PRSS23: variants seen among roughly 807,000 people sequenced by gnomAD.
The protein encoded by PRSS23 is protease, serine 23.
PRSS23 carries 25 observed loss-of-function variants against 34.7 expected under a neutral mutation model. That is an observed-to-expected ratio of 0.72 (90% CI 0.53 to 1.01). The LOEUF (loss-of-function observed/expected upper bound fraction) is 1.01, where lower values mean the gene tolerates loss of function less well. Among genes scored for constraint, PRSS23 ranks in the 50% least tolerant of loss-of-function variants. The pLI, the probability that PRSS23 is intolerant of heterozygous loss-of-function variation, is 0.00. For missense variants in PRSS23, 445 were observed against 475.6 expected (o/e 0.94, Z 0.60); for synonymous variants, 176 against 186.6 (o/e 0.94, Z 0.46).
chr11:86,800,673 G>A (rs1361904694), intron 1 of PRSS23, 22 bp downstream of exon 1: 3 of 983,142 alleles, frequency 3.1e-6, no homozygotes, highest in Non-Finnish European at 3.6e-6. Flanking sequence ...CACCGACTGG[G>A]GCATCCGCCC....
chr11:86,823,094 G>A (rs925904039), intron 1 of PRSS23, among the ~76,000 whole-genome samples: 1 of 152,252 alleles, frequency 6.6e-6, no homozygotes, highest in Admixed American at 6.5e-5. Context: ...CCCGTCAGGG[G>A]ATGGGGGCAA....
chr11:86,940,302 T>C (rs1460939377), intron 2 of PRSS23, among the ~76,000 whole-genome samples: 2 of 152,176 alleles, frequency 1.3e-5, no homozygotes, highest in Non-Finnish European at 2.9e-5. Context: ...CGTAGGGGTG[T>C]GCTGTATCGG....
At chr11:86,848,965 T>C (rs541920740) in intron 2 of PRSS23, among the ~76,000 whole-genome samples, 2 of 152,200 alleles carry the variant, frequency 1.3e-5, no homozygotes, top group African/African-American at 2.4e-5. Context: ...CCCTCGCCCA[T>C]GTCCAATATG....
intron 2 of PRSS23, among the ~76,000 whole-genome samples, chr11:86,925,756 C>A (rs1949076850): frequency 6.6e-6 from 1 of 152,174 alleles, no homozygotes; most frequent in Admixed American, 6.5e-5. Flanking sequence ...CAGTTAGTAG[C>A]AGTTGAAACC....
intron 2 of PRSS23, among the ~76,000 whole-genome samples, chr11:86,875,252 TCCCAGCTACTCA>T (rs1948715104): frequency 6.6e-6 from 1 of 152,064 alleles, no homozygotes; most frequent in East Asian, 1.9e-4. Context: ...GTGCCTGTAA[TCCCAGCTACTCA>T]GGAGGCTGAG....
intron 2 of PRSS23, among the ~76,000 whole-genome samples, chr11:86,836,511 C>A (rs1001089501): frequency 3.3e-5 from 5 of 152,162 alleles, no homozygotes; most frequent in Non-Finnish European, 7.4e-5. Context: ...ATAGCCCCTG[C>A]TTTTGCTAGA....
rs200816081 is a variant in PRSS23 at position 86,808,116 on chromosome 11, C to G, written c.473C>G (p.Thr158Arg). ...YPFSTSVKLS[T>R]GCTGTLVAEK... ...TTCTCAACATCAGTGAAGTTATCCA[C>G]GGGCTGCACCGGCACCCTGGTGGCA... The change falls in exon 2 of 2, where the codon ACG becomes AGG. Residue 158 changes from threonine (T) to arginine (R), a missense_variant. By Grantham distance (71) the Thr-to-Arg change is moderately conservative. Transcript: ENST00000280258. The G allele has an allele frequency of 1.4e-5, 22 of 1,614,196 alleles. No individual in the cohort carries two copies. The highest frequency in any genetic ancestry group is 1.9e-5 in the Non-Finnish European group (22 of 1,180,034).
Position 86,834,631 on chromosome 11 carries a change from A to G in PRSS23, c.206+11038A>G, listed in dbSNP as rs556885126. 1.3e-3 allele frequency among the ~76,000 whole-genome samples: 174 copies of G among 137,428 alleles called. 1 individual carries two copies. Among genetic ancestry groups the G allele is most frequent in the African/African-American group, 4.6e-3 (165 of 36,030 alleles). 90.2% of individuals were successfully genotyped at this position (137,428 alleles called of 152,430 possible). A position where few individuals can be genotyped will look rare whatever the true frequency, so the allele number is the denominator to read the frequency against. On this transcript the variant is annotated intron_variant, in intron 2 of 2. Transcript: ENST00000533902. ...TCCTTTCCTATGACTCCGGCAGTGT[A>G]AGACTGCCACCTCTTTAGGTTGCTG... is the stretch of plus-strand genomic sequence containing the variant.
chr11:86,863,510 T>C (rs532389347), intron 2 of PRSS23, among the ~76,000 whole-genome samples: 1 of 152,298 alleles, frequency 6.6e-6, no homozygotes, highest in Non-Finnish European at 1.5e-5. Flanking sequence ...AGTAACTCAG[T>C]CTACTACATT....
intron 2 of PRSS23, among the ~76,000 whole-genome samples, chr11:86,856,440 C>T (rs936461846): frequency 1.3e-4 from 20 of 152,012 alleles, no homozygotes; most frequent in African/African-American, 4.1e-4. Context: ...TCAAAGCCAA[C>T]GTTGAGAACC....
intron 2 of PRSS23, among the ~76,000 whole-genome samples, chr11:86,904,185 G>C (rs1013085028): frequency 7.9e-5 from 12 of 152,116 alleles, no homozygotes; most frequent in Non-Finnish European, 1.2e-4. Context: ...GGCCACTGTG[G>C]ACCCAGGTTG....
chr11:86,849,766 A>G (rs548185672), intron 2 of PRSS23, among the ~76,000 whole-genome samples: 2 of 152,242 alleles, frequency 1.3e-5, no homozygotes, highest in South Asian at 4.2e-4. Flanking sequence ...TCTCTCAGAT[A>G]CCAGAGGAAG....
rs1157103064 is a variant in PRSS23, at chr11:86,808,160, G to A, written c.517G>A (p.Ala173Thr). The A allele has an allele frequency of 6.2e-7, 1 of 1,614,192 alleles. No individual in the cohort carries two copies. ...GGTGGCAGAGAAGCATGTCCTCACA[G>A]CTGCCCACTGCATACACGATGGAAA... The part of the protein sequence containing the change: ...TLVAEKHVLT[A>T]AHCIHDGKTY... The change falls in exon 2 of 2, where the codon GCT (alanine) becomes ACT (threonine). Residue 173 changes from alanine (A) to threonine (T), a missense_variant. Transcript: ENST00000280258.
At chr11:86,889,910 C>T (rs1432768127) in intron 2 of PRSS23, among the ~76,000 whole-genome samples, 2 of 152,128 alleles carry the variant, frequency 1.3e-5, no homozygotes, top group African/African-American at 2.4e-5. Flanking sequence ...GTCAGGAGCT[C>T]GACCCTAGAG....
intron 2 of PRSS23, among the ~76,000 whole-genome samples, chr11:86,929,420 A>C (rs1251570597): frequency 6.6e-6 from 1 of 152,118 alleles, no homozygotes; most frequent in Non-Finnish European, 1.5e-5. Context: ...AGGCAGGCGG[A>C]TCACCTGAGG....
At position 86,935,112 on chromosome 11, in the gene PRSS23, A is replaced by G. The variant is rs1404897996; in HGVS notation, c.207-16104A>G. The G allele has an allele frequency of 4.6e-5, 7 of 152,270 alleles. 1 individual carries two copies. The highest frequency in any genetic ancestry group is 1.0e-4 in the Non-Finnish European group (7 of 68,054). 9.4% of individuals were successfully genotyped at this position (152,270 alleles called of 1,614,324 possible). Reference sequence around the variant, plus strand: ...ATGGGTCCACACAGGGCCCCCAGGCAATAACTAATCCCTCTGAAACAAACA... The same window carrying G: ...ATGGGTCCACACAGGGCCCCCAGGCGATAACTAATCCCTCTGAAACAAACA... On this transcript the variant is annotated intron_variant, in intron 2 of 2. Transcript: ENST00000533902.
chr11:86,828,018 T>G (rs1459671513), intron 2 of PRSS23, among the ~76,000 whole-genome samples: 1 of 152,192 alleles, frequency 6.6e-6, no homozygotes, highest in African/African-American at 2.4e-5. Flanking sequence ...GTCCACTTGG[T>G]GCAGAGCTGA....
At chr11:86,857,511 T>G in intron 2 of PRSS23, 1 of 439,970 alleles carries the variant, frequency 2.3e-6, no homozygotes, top group South Asian at 1.7e-5. Flanking sequence ...GAAGGTGAGT[T>G]GTGTAACACA....
chr11:86,952,624 A>C, exon 3 of PRSS23: 1 of 728,000 alleles, frequency 1.4e-6, no homozygotes, highest in Non-Finnish European at 2.3e-6. Context: ...CTCTGACCTC[A>C]AACAAGGGCG....
Sources: allele counts gnomAD v4.1 joint callset (sites outside exome capture counted in the v4.1 genomes callset), GRCh38; gene constraint gnomAD v4.1.1; transcripts MANE v1.5; gene names NCBI Gene and HGNC (gene_info 2026-07-23, HGNC 2026-07-21).